The following MORN5 variants were observed in gnomAD, a reference collection of about 807,000 sequenced individuals.
MORN5 encodes the protein MORN repeat-containing protein 5.
MORN5 carries 21 observed loss-of-function variants against 22.1 expected under a neutral mutation model. That is an observed-to-expected ratio of 0.95 (90% CI 0.67 to 1.37). The LOEUF (loss-of-function observed/expected upper bound fraction) is 1.37, where lower values mean the gene tolerates loss of function less well. Ranked by LOEUF, MORN5 falls within the 40% of genes most tolerant of loss-of-function variation. MORN5 has a pLI of 0.00. For missense variants in MORN5, 211 were observed against 215.1 expected (o/e 0.98, Z 0.12); for synonymous variants, 73 against 74.0 (o/e 0.99, Z 0.07).
chr9:122,175,358 C>A, intron 4 of MORN5: 2 of 612,792 alleles, frequency 3.3e-6, no homozygotes, highest in Non-Finnish European at 4.1e-6. Flanking sequence ...GAGTAGGTAC[C>A]TTGGAGGATC....
chr9:122,192,599 C>T (rs534602701), intron 4 of MORN5, among the ~76,000 whole-genome samples: 3 of 152,356 alleles, frequency 2.0e-5, no homozygotes, highest in Non-Finnish European at 4.4e-5. Context: ...TCAGCAGACC[C>T]GGCACAGCTG....
chr9:122,173,083 G>T (rs150842420), intron 3 of MORN5, among the ~76,000 whole-genome samples: 1 of 152,312 alleles, frequency 6.6e-6, no homozygotes, highest in East Asian at 1.9e-4. Flanking sequence ...CTCACACAAT[G>T]GCTGGTTATG....
intron 4 of MORN5, among the ~76,000 whole-genome samples, chr9:122,181,720 G>T (rs1271574284): frequency 6.6e-6 from 1 of 152,180 alleles, no homozygotes; most frequent in African/African-American, 2.4e-5. Context: ...CCACTGACCA[G>T]CTCTGTGATC....
At chr9:122,189,641 C>G (rs1308287378) in intron 4 of MORN5, among the ~76,000 whole-genome samples, 1 of 152,052 alleles carries the variant, frequency 6.6e-6, no homozygotes, top group Admixed American at 6.6e-5. Context: ...GAGTCTTGCT[C>G]TGTCGCCCAG....
intron 1 of MORN5, among the ~76,000 whole-genome samples, chr9:122,162,917 T>G (rs1450085259): frequency 6.6e-6 from 1 of 152,074 alleles, no homozygotes; most frequent in Non-Finnish European, 1.5e-5. Flanking sequence ...TTTTCCCAGG[T>G]GATGTCAAAA....
At chr9:122,199,075 C>T (rs568357597) in intron 4 of MORN5, among the ~76,000 whole-genome samples, 24 of 152,212 alleles carry the variant, frequency 1.6e-4, no homozygotes, top group Non-Finnish European at 2.9e-4. Flanking sequence ...AGTAAATCCA[C>T]GGAGGGGTCT....
At chr9:122,163,876 T>C (rs907957060) in intron 1 of MORN5, among the ~76,000 whole-genome samples, 1 of 152,156 alleles carries the variant, frequency 6.6e-6, no homozygotes, top group African/African-American at 2.4e-5. Flanking sequence ...AATGAATGAA[T>C]CATAGGTTTT....
chr9:122,160,012 G>T lies in MORN5; in HGVS notation c.40G>T (p.Asp14Tyr). ...TGSKYIGEYV[D>Y]GRMEGKAKYI... ...GAGCAAATATATCGGGGAATATGTA[G>T]ATGGGAGGTAAGGGGCTCATTTGAT... The change falls in exon 1 of 5, where the codon GAT becomes TAT. Residue 14 changes from aspartate (D) to tyrosine (Y), a missense_variant. By Grantham distance (160) the Asp-to-Tyr change is radical (BLOSUM62 -3). Transcript: ENST00000373764. 6.2e-7 allele frequency: 1 copy of T among 1,613,782 alleles called. No homozygotes were observed. The highest frequency in any genetic ancestry group is 1.1e-5 in the South Asian group (1 of 91,052).
intron 4 of MORN5, among the ~76,000 whole-genome samples, chr9:122,175,866 G>C (rs1310167261): frequency 6.6e-6 from 1 of 151,982 alleles, no homozygotes; most frequent in Non-Finnish European, 1.5e-5. Context: ...TGTAATCCCA[G>C]CACTTTGGGA....
intron 3 of MORN5, among the ~76,000 whole-genome samples, chr9:122,172,501 G>A (rs1034057146): frequency 9.2e-5 from 14 of 151,918 alleles, no homozygotes; most frequent in African/African-American, 1.2e-4. Flanking sequence ...CATTCTCTCT[G>A]CCTGGAATAC....
At chr9:122,173,525 T>C (rs1439388685) in intron 3 of MORN5, among the ~76,000 whole-genome samples, 1 of 152,072 alleles carries the variant, frequency 6.6e-6, no homozygotes, top group Non-Finnish European at 1.5e-5. Context: ...AGACACTGAG[T>C]TGTGGGCATG....
At position 122,172,110 on chromosome 9, in the gene MORN5, C is replaced by T. The variant is rs1272995842; in HGVS notation, c.307+2354C>T. Among the ~76,000 whole-genome samples, 6 of 151,328 alleles carry T rather than the reference C, an allele frequency of 4.0e-5. No individual in the cohort carries two copies. The East Asian group carries it at 5.8e-4, about 15-fold the overall frequency. Reference sequence around the variant, plus strand: ...CTAAGTAGCTGGAACTACAGGAATGCGCCACCACTCCTGGTTAATTTTTTT... The same window carrying T: ...CTAAGTAGCTGGAACTACAGGAATGTGCCACCACTCCTGGTTAATTTTTTT... On this transcript the variant is annotated intron_variant, in intron 3 of 4. Coordinates refer to ENST00000373764, the MANE Select transcript of MORN5 (RefSeq NM_198469.4).
intron 2 of MORN5, among the ~76,000 whole-genome samples, chr9:122,168,269 A>G (rs1220386807): frequency 6.6e-6 from 1 of 152,114 alleles, no homozygotes; most frequent in African/African-American, 2.4e-5. Flanking sequence ...TACCACCATC[A>G]CTGCTACTAT....
chr9:122,173,595 T>C (rs1209906794), intron 3 of MORN5, among the ~76,000 whole-genome samples: 1 of 152,208 alleles, frequency 6.6e-6, no homozygotes, highest in East Asian at 1.9e-4. Flanking sequence ...TTACAGGAAC[T>C]ATAGTTAGAA....
chr9:122,179,548 C>A (rs891315753), intron 4 of MORN5, among the ~76,000 whole-genome samples: 1 of 152,220 alleles, frequency 6.6e-6, no homozygotes, highest in South Asian at 2.1e-4. Context: ...CAATGCCTTC[C>A]CTCTCTGGGC....
intron 4 of MORN5, among the ~76,000 whole-genome samples, chr9:122,196,975 C>T (rs1183518392): frequency 6.6e-6 from 1 of 152,184 alleles, no homozygotes; most frequent in Non-Finnish European, 1.5e-5. Context: ...TAGCACAATG[C>T]CTGGCACATA....
intron 4 of MORN5, among the ~76,000 whole-genome samples, chr9:122,184,426 T>C (rs527240024): frequency 7.9e-5 from 12 of 152,372 alleles, no homozygotes; most frequent in African/African-American, 2.9e-4. Flanking sequence ...AAATTTTCTC[T>C]GGTGTTTTTT....
chr9:122,164,755 AGGAG>A, intron 1 of MORN5: 1 of 329,524 alleles, frequency 3.0e-6, no homozygotes, highest in Non-Finnish European at 4.3e-6. Context: ...ACAGGAGGGA[AGGAG>A]AAGAGGAATT....
At chr9:122,194,435 T>C (rs1829840679) in intron 4 of MORN5, among the ~76,000 whole-genome samples, 1 of 152,072 alleles carries the variant, frequency 6.6e-6, no homozygotes, top group Non-Finnish European at 1.5e-5. Flanking sequence ...GCTTATGCTA[T>C]GGAGAAAATA....
Sources: gnomAD v4.1 joint callset for allele counts (sites outside exome capture counted in the v4.1 genomes callset) on GRCh38, gnomAD v4.1.1 for gene constraint, MANE v1.5 for transcripts, NCBI Gene and HGNC (gene_info 2026-07-23, HGNC 2026-07-21) for gene names.